MED13L: variants seen among roughly 807,000 people sequenced by gnomAD.
MED13L encodes mediator complex subunit 13L, also known as mediator of RNA polymerase II transcription subunit 13-like.
Under a neutral mutation model 220.9 loss-of-function variants are expected in MED13L, and 7 were observed. The observed-to-expected ratio is 0.03, with a 90% confidence interval of 0.02 to 0.06. MED13L has a LOEUF of 0.06. Among genes scored for constraint, MED13L ranks in the 10% least tolerant of loss-of-function variants. The pLI, the probability that MED13L is intolerant of heterozygous loss-of-function variation, is 1.00. For synonymous variants in MED13L, 1,011 were observed against 1,015.2 expected (o/e 1.00, Z 0.08); for missense variants, 1,965 against 2,760.5 (o/e 0.71, Z 6.46).
intron 12 of MED13L, 83 bp downstream of exon 12, chr12:116,006,223 A>C: frequency 7.3e-7 from 1 of 1,360,858 alleles, no homozygotes; most frequent in Admixed American, 1.8e-5. Context: ...TTACAATAAG[A>C]ATAAAATTTT....
chr12:116,218,063 A>G (rs1883106272), intron 2 of MED13L, among the ~76,000 whole-genome samples: 1 of 152,176 alleles, frequency 6.6e-6, no homozygotes, highest in African/African-American at 2.4e-5. Context: ...CTCCAAGTAT[A>G]AGAGATTCGA....
chr12:116,047,084 T>C (rs1881882515), intron 4 of MED13L, among the ~76,000 whole-genome samples: 1 of 152,216 alleles, frequency 6.6e-6, no homozygotes, highest in African/African-American at 2.4e-5. Flanking sequence ...GCGCAGAGGC[T>C]CATGCCTGTA....
chr12:116,276,345 T>TGTGTGC, intron 1 of MED13L: 1 of 617,394 alleles, frequency 1.6e-6, no homozygotes, highest in Non-Finnish European at 2.6e-6. Flanking sequence ...TGTGTGTGTG[T>TGTGTGC]GTGTGTGCGG....
intron 1 of MED13L, chr12:116,276,772 C>T (rs1244309555): frequency 2.3e-6 from 3 of 1,297,656 alleles, no homozygotes; most frequent in African/African-American, 1.5e-5. Context: ...AGAGGGTGGG[C>T]GTTCGAAGTG....
At chr12:116,060,740 T>C (rs562005604) in intron 4 of MED13L, among the ~76,000 whole-genome samples, 37 of 152,096 alleles carry the variant, frequency 2.4e-4, no homozygotes, top group Non-Finnish European at 4.7e-4. Flanking sequence ...AGAGCAACAG[T>C]ATGTATGCCA....
rs559557456 is a variant in MED13L at position 116,185,946 on chromosome 12, G to A, written c.310+51522C>T. Reference sequence around the variant, plus strand: ...CCTGACCTCATGATCTGCCCACTTCGGCCTCCCAAAGTGCTGGGATTACAG... The same window carrying A: ...CCTGACCTCATGATCTGCCCACTTCAGCCTCCCAAAGTGCTGGGATTACAG... On this transcript the variant is annotated intron_variant, in intron 2 of 30. Transcript: ENST00000281928. Among the ~76,000 whole-genome samples the A allele has an allele frequency of 5.3e-5, 8 of 152,174 alleles. No individual in the cohort carries two copies. The South Asian group carries it at 1.7e-3, about 32-fold the overall frequency.
chr12:116,040,146 T>C (rs1881439097), intron 4 of MED13L, among the ~76,000 whole-genome samples: 1 of 152,216 alleles, frequency 6.6e-6, no homozygotes. Context: ...TGTGGTGTTT[T>C]TTTCCTTAAT....
rs367850766 is a variant in MED13L at position 115,983,203 on chromosome 12, C to T, written c.4869G>A (p.Ala1623=). The change falls in exon 21 of 31, where the codon GCG becomes GCA. Residue 1623 remains alanine (A), a synonymous_variant. Transcript: ENST00000281928. ...GQNPSTGGIS[A]DRTQGNIGCG... is the part of the protein sequence containing the mutation. ...AGCCTATGTTCCCTTGCGTTCTATC[C>T]GCAGAAATGCCCCCAGTGCTGGGGT... The T allele has an allele frequency of 1.4e-5, 23 of 1,614,038 alleles. No individual in the cohort carries two copies. Among genetic ancestry groups the T allele is most frequent in the South Asian group, 8.8e-5 (8 of 91,086 alleles).
At chr12:116,012,161 C>A (rs1262998182) in intron 9 of MED13L, among the ~76,000 whole-genome samples, 1 of 152,122 alleles carries the variant, frequency 6.6e-6, no homozygotes, top group Admixed American at 6.5e-5. Flanking sequence ...AAGACTTATG[C>A]CCAGTTAAAG....
intron 2 of MED13L, among the ~76,000 whole-genome samples, chr12:116,132,727 C>T (rs142467366): frequency 2.2e-4 from 33 of 152,220 alleles, no homozygotes; most frequent in Middle Eastern, 3.4e-3. Context: ...CGAGACCAGA[C>T]TGGCCAACAT....
intron 2 of MED13L, among the ~76,000 whole-genome samples, chr12:116,147,550 T>G (rs377563088): frequency 1.3e-5 from 2 of 152,194 alleles, no homozygotes; most frequent in East Asian, 3.9e-4. Context: ...TAAACATGAC[T>G]GCAGGCGACA....
intron 2 of MED13L, among the ~76,000 whole-genome samples, chr12:116,128,456 AC>A (rs1219958660): frequency 1.3e-5 from 2 of 152,006 alleles, no homozygotes; most frequent in Admixed American, 1.3e-4. Context: ...AAAAAAAAAA[AC>A]AAGAAAATAA....
At chr12:116,225,757 A>G (rs937306390) in intron 2 of MED13L, among the ~76,000 whole-genome samples, 2 of 152,204 alleles carry the variant, frequency 1.3e-5, no homozygotes, top group African/African-American at 4.8e-5. Flanking sequence ...TAATGAAGAG[A>G]CCTCATGTTG....
At chr12:115,998,454 G>A (rs1592931679) in intron 14 of MED13L, among the ~76,000 whole-genome samples, 3 of 152,284 alleles carry the variant, frequency 2.0e-5, no homozygotes, top group South Asian at 2.1e-4. Context: ...CTGTGCTCAC[G>A]GCTACCCAGT....
chr12:116,088,679 A>C (rs1232875220), intron 4 of MED13L, among the ~76,000 whole-genome samples: 3 of 151,824 alleles, frequency 2.0e-5, no homozygotes, highest in African/African-American at 7.2e-5. Context: ...AATAGTTTGG[A>C]ATCTGAATTC....
chr12:115,983,166 T>C lies in MED13L; in HGVS notation c.4906A>G (p.Thr1636Ala), dbSNP rs1466039649. The change falls in exon 21 of 31, where the codon ACT becomes GCT. Residue 1636 changes from threonine (T) to alanine (A), a missense_variant. Physicochemically the swap from Thr to Ala is moderately conservative, Grantham distance 58. Around this residue, in one of 10 missense-constraint regions of MED13L, gnomAD observed 510 missense variants for 620.4 expected, o/e 0.82. Transcript: ENST00000281928. Reference sequence around the variant, plus strand: ...TGAGAAGAGCTCTGCCCAGGGTCAGTGTCTCCACCACAGCCTATGTTCCCT... The same window carrying C: ...TGAGAAGAGCTCTGCCCAGGGTCAGCGTCTCCACCACAGCCTATGTTCCCT... Reference protein sequence around the residue: ...TQGNIGCGGDTDPGQSSSQPS... With the variant: ...TQGNIGCGGDADPGQSSSQPS... 6.2e-7 allele frequency: 1 copy of C among 1,614,028 alleles called. No homozygotes were observed. Among genetic ancestry groups the C allele is most frequent in the Admixed American group, 1.7e-5 (1 of 60,010 alleles).
At chr12:116,095,189 G>T (rs1253344666) in intron 4 of MED13L, among the ~76,000 whole-genome samples, 1 of 151,932 alleles carries the variant, frequency 6.6e-6, no homozygotes, top group Non-Finnish European at 1.5e-5. Context: ...AAAAATAAAT[G>T]AAAGTAAAAA....
At chr12:116,271,576 C>T (rs1019697216) in intron 1 of MED13L, among the ~76,000 whole-genome samples, 3 of 149,672 alleles carry the variant, frequency 2.0e-5, no homozygotes, top group African/African-American at 7.4e-5. Context: ...CAGTGAGCCG[C>T]GATCGCGCCA....
rs182752795 is a variant in MED13L, at chr12:115,975,540, C to T, written c.5563G>A (p.Val1855Ile). 5.0e-5 allele frequency: 81 copies of T among 1,614,032 alleles called. No individual in the cohort carries two copies. In the Admixed American group the frequency reaches 5.5e-4, roughly 11 times the overall value. The change falls in exon 24 of 31, where the codon GTT (valine) becomes ATT (isoleucine). Residue 1855 changes from valine to isoleucine, a missense_variant. Val to Ile is a conservative substitution (Grantham distance 29). This residue lies in a region of MED13L where 510 missense variants were observed against 620.4 expected (regional missense o/e 0.82). Coordinates refer to ENST00000281928, the MANE Select transcript of MED13L (RefSeq NM_015335.5). ...CTGTTTGGTAAAGCAATATTTACAA[C>T]GCAGGTCTCTAATAATTCCCCATGG... ...DLHGELLETC[V>I]VNIALPNRSR...
Sources: gnomAD v4.1 joint callset for allele counts (sites outside exome capture counted in the v4.1 genomes callset) on GRCh38, gnomAD v4.1.1 for gene constraint, gnomAD v4.1.1 regional missense constraint, MANE v1.5 for transcripts, NCBI Gene and HGNC (gene_info 2026-07-23, HGNC 2026-07-21) for gene names.